The following EPHA5 variants were observed in gnomAD, a reference collection of about 807,000 sequenced individuals.
The protein encoded by EPHA5 is EPH receptor A5.
In EPHA5, 60 loss-of-function variants were observed where a neutral mutation model predicts 105.0. The ratio of observed to expected loss-of-function variants is 0.57; its 90% CI spans 0.46 to 0.71. The LOEUF (loss-of-function observed/expected upper bound fraction) is 0.71, where lower values mean the gene tolerates loss of function less well. Ranked by LOEUF, EPHA5 falls within the 30% of genes least tolerant of loss-of-function variation. The pLI, the probability that EPHA5 is intolerant of heterozygous loss-of-function variation, is 0.00. For missense variants in EPHA5, 1,218 were observed against 1,274.7 expected (o/e 0.96, Z 0.68); for synonymous variants, 513 against 449.1 (o/e 1.14, Z -1.80).
intron 5 of EPHA5, among the ~76,000 whole-genome samples, chr4:65,453,501 C>A (rs1304017440): frequency 1.3e-5 from 2 of 152,102 alleles, no homozygotes; most frequent in African/African-American, 4.8e-5. Flanking sequence ...AATTGGTGAT[C>A]AGCAGCATCC....
rs187983192 is a variant in EPHA5 at position 65,539,851 on chromosome 4, C to A, written c.911-44308G>T. 2.2e-4 allele frequency among the ~76,000 whole-genome samples: 34 copies of A among 151,530 alleles called. No individual in the cohort carries two copies. The East Asian group carries it at 5.8e-3, about 26-fold the overall frequency. ...ATCATACAATAAACTATACAATAAG[C>A]TAAATATCACTGAAGTTTCTTTTAC... is the stretch of plus-strand genomic sequence containing the variant. On this transcript the variant is annotated intron_variant, in intron 3 of 16. Transcript: ENST00000613740.
intron 7 of EPHA5, among the ~76,000 whole-genome samples, chr4:65,410,396 T>A (rs537715464): frequency 6.6e-6 from 1 of 152,304 alleles, no homozygotes; most frequent in South Asian, 2.1e-4. Flanking sequence ...GATGAATGGT[T>A]TCCAGGGCTT....
At chr4:65,450,432 A>G (rs1056420148) in intron 5 of EPHA5, among the ~76,000 whole-genome samples, 1 of 152,188 alleles carries the variant, frequency 6.6e-6, no homozygotes, top group African/African-American at 2.4e-5. Context: ...TTAAGGTCCA[A>G]TGGACCCAGA....
Position 65,420,467 on chromosome 4 carries a change from C to G in EPHA5, c.1501G>C (p.Glu501Gln), listed in dbSNP as rs865985552. The G allele has an allele frequency of 6.2e-7, 1 of 1,610,332 alleles. No individual in the cohort carries two copies. The highest frequency in any genetic ancestry group is 1.7e-5 in the Admixed American group (1 of 59,572). Reference sequence around the variant, plus strand: ...TTTTCAAAATACTTGATTTCATACTCTAGGATGATTCCATTGGGACGATCT... The same window carrying G: ...TTTTCAAAATACTTGATTTCATACTGTAGGATGATTCCATTGGGACGATCT... ...EPDRPNGIIL[E>Q]YEIKYFEKDQ... The change falls in exon 6 of 17, where the codon GAG becomes CAG. Residue 501 changes from glutamate to glutamine, a missense_variant. Transcript: ENST00000613740.
rs373839838 is a variant in EPHA5, at chr4:65,655,094, T to C, written c.182-11667A>G. ...TCTCTAACACCTTGTATTTCCTTAA[T>C]GTACATAGTGTTACCTGATAATCAT... On this transcript the variant is annotated intron_variant, in intron 1 of 16. Transcript: ENST00000613740. 1.4e-3 allele frequency among the ~76,000 whole-genome samples: 218 copies of C among 151,810 alleles called. 2 individuals carry two copies. In the South Asian group the frequency reaches 0.028, roughly 20 times the overall value.
At chr4:65,438,937 G>T (rs1432428444) in intron 5 of EPHA5, among the ~76,000 whole-genome samples, 3 of 152,086 alleles carry the variant, frequency 2.0e-5, no homozygotes. Flanking sequence ...GGTTGAGGCA[G>T]TTTACATTTA....
chr4:65,324,304 G>A (rs940224672), intron 16 of EPHA5, 85 bp from the exon 17 acceptor site: 1 of 844,336 alleles, frequency 1.2e-6, no homozygotes, highest in Non-Finnish European at 2.0e-6. Context: ...GGCAAACATA[G>A]TGCAGACACT....
rs1442649287 is a variant in EPHA5, at chr4:65,319,945, T to G, written c.*4169A>C. 4.3e-6 allele frequency: 1 copy of G among 230,066 alleles called. No individual in the cohort carries two copies. Among genetic ancestry groups the G allele is most frequent in the Admixed American group, 5.7e-5 (1 of 17,596 alleles). The allele number at this position is 230,066 out of a possible 1,614,324, so 14.3% of individuals were successfully genotyped here. On this transcript the variant is annotated 3_prime_UTR_variant, in exon 17 of 17. Coordinates refer to ENST00000613740, the MANE Select transcript of EPHA5 (RefSeq NM_001281766.3). ...ACTGAAACTTCTACTGTGAATACAG[T>G]TCCCAGCCTGAATAAACATGACATT...
chr4:65,376,870 T>G, intron 8 of EPHA5: 2 of 652,260 alleles, frequency 3.1e-6, no homozygotes, highest in East Asian at 2.9e-5. Context: ...AATCACTTGT[T>G]AGGATTCACC....
chr4:65,457,558 A>G (rs941484277), intron 5 of EPHA5, among the ~76,000 whole-genome samples: 1 of 152,084 alleles, frequency 6.6e-6, no homozygotes, highest in Non-Finnish European at 1.5e-5. Flanking sequence ...TTAAAGGTAT[A>G]CATCTCAGAT....
At position 65,492,885 on chromosome 4, in the gene EPHA5, G is replaced by A. The variant is rs568922629; in HGVS notation, c.1067-2173C>T. 5.9e-5 allele frequency among the ~76,000 whole-genome samples: 9 copies of A among 151,924 alleles called. No homozygotes were observed. The South Asian group carries it at 1.9e-3, about 31-fold the overall frequency. ...ACTATAAACTTTAGCTTATTTAATA[G>A]TACAAAGTTATAGACAAAATGAAAT... On this transcript the variant is annotated intron_variant, in intron 4 of 16. Transcript: ENST00000613740.
intron 1 of EPHA5, among the ~76,000 whole-genome samples, chr4:65,654,799 C>A (rs1471968630): frequency 6.9e-6 from 1 of 145,748 alleles, no homozygotes; most frequent in South Asian, 2.1e-4. Flanking sequence ...TGTTATAAAT[C>A]CTAAATTAGA....
intron 2 of EPHA5, 82 bp from the exon 3 acceptor site, chr4:65,602,386 A>T (rs1743825665): frequency 7.3e-6 from 8 of 1,103,296 alleles, no homozygotes; most frequent in Non-Finnish European, 1.0e-5. Context: ...TATAAAAGAA[A>T]ACTAACTGAG....
intron 3 of EPHA5, among the ~76,000 whole-genome samples, chr4:65,582,991 A>C (rs1157930654): frequency 2.0e-5 from 3 of 151,644 alleles, no homozygotes; most frequent in Non-Finnish European, 4.4e-5. Context: ...GAATTGAGAC[A>C]AGATTTTTTT....
At chr4:65,362,948 C>T (rs563348508) in intron 11 of EPHA5, among the ~76,000 whole-genome samples, 20 of 151,594 alleles carry the variant, frequency 1.3e-4, no homozygotes, top group South Asian at 2.1e-4. Flanking sequence ...AATGAAGAAA[C>T]GTTTTAGACT....
At chr4:65,480,758 G>A (rs1420553232) in intron 5 of EPHA5, among the ~76,000 whole-genome samples, 1 of 152,022 alleles carries the variant, frequency 6.6e-6, no homozygotes, top group Non-Finnish European at 1.5e-5. Flanking sequence ...ATATTCTAAT[G>A]TTTGAATCTA....
At chr4:65,556,613 T>C (rs1024256540) in intron 3 of EPHA5, among the ~76,000 whole-genome samples, 10 of 152,184 alleles carry the variant, frequency 6.6e-5, no homozygotes, top group African/African-American at 2.2e-4. Flanking sequence ...AACAATTTCA[T>C]ATAATTTAGA....
chr4:65,622,063 G>A (rs931023442), intron 2 of EPHA5, among the ~76,000 whole-genome samples: 1 of 152,078 alleles, frequency 6.6e-6, no homozygotes, highest in Non-Finnish European at 1.5e-5. Flanking sequence ...AGTATTTTAA[G>A]TTTAAAATTA....
chr4:65,473,424 T>C (rs1259962983), intron 5 of EPHA5, among the ~76,000 whole-genome samples: 1 of 152,082 alleles, frequency 6.6e-6, no homozygotes, highest in Non-Finnish European at 1.5e-5. Context: ...ACAAAGGAGG[T>C]TTAATTGACT....
Sources: allele counts gnomAD v4.1 joint callset (sites outside exome capture counted in the v4.1 genomes callset), GRCh38; gene constraint gnomAD v4.1.1; transcripts MANE v1.5; gene names NCBI Gene and HGNC (gene_info 2026-07-23, HGNC 2026-07-21).